Variants in CCDC88C observed in about 807,000 individuals in gnomAD.
CCDC88C encodes coiled-coil and HOOK domain protein 88C, also known as protein Daple.
A neutral mutation model predicts 198.8 loss-of-function variants in CCDC88C; 131 were observed. The observed-to-expected ratio is 0.66, with a 90% CI of 0.57 to 0.76. The LOEUF is 0.76. Among genes scored for constraint, CCDC88C ranks in the 30% least tolerant of loss-of-function variants. The pLI is 0.00. For missense variants in CCDC88C, 2,553 were observed against 2,631.6 expected, an observed-to-expected ratio of 0.97 and a Z score of 0.65; for synonymous variants, 1,166 against 1,114.7, an observed-to-expected ratio of 1.05 and a Z score of -0.92.
intron 1 of CCDC88C, 142 bp from the exon 2 acceptor site, chr14:91,416,980 C>T: frequency 1.5e-6 from 1 of 687,050 alleles, no homozygotes. Context: ...TCAGCAGGCA[C>T]CAAGCCCGGC....
intron 16 of CCDC88C, among the ~76,000 whole-genome samples, chr14:91,308,943 C>T (rs990373475): frequency 2.6e-5 from 4 of 152,176 alleles, no homozygotes; most frequent in Non-Finnish European, 4.4e-5. Context: ...AAAACAAGAT[C>T]AGGCCGAGCA....
At chr14:91,342,895 C>T (rs576736234) in intron 5 of CCDC88C, among the ~76,000 whole-genome samples, 7 of 152,350 alleles carry the variant, frequency 4.6e-5, no homozygotes, top group Non-Finnish European at 7.3e-5. Flanking sequence ...AACTACTCAG[C>T]TCTGTCGCTG....
chr14:91,313,884 G>T lies in CCDC88C; in HGVS notation c.1932C>A (p.Asn644Lys). The stretch of plus-strand genomic sequence containing the variant: ...AGGTCACCTTCCTGGCCAGCCTCCC[G>T]TTCTCCTCCTGGAGTCGCTGTAGCT... ...ERELQRLQEE[N>K]GRLARKVTSL... The change falls in exon 15 of 30, where the codon AAC becomes AAA. Residue 644 changes from asparagine to lysine, a missense_variant. This residue lies in a region of CCDC88C where 1,260 missense variants were observed against 1,412.0 expected (regional missense o/e 0.89). Transcript: ENST00000389857. This position sits in a 1 kb window ranked among gnomAD's most constrained non-coding sequence, Gnocchi z 5.2. 1 of 1,608,612 alleles carries T rather than the reference G, an allele frequency of 6.2e-7. No individual in the cohort carries two copies. Among genetic ancestry groups the T allele is most frequent in the African/African-American group, 1.3e-5 (1 of 74,804 alleles).
intron 26 of CCDC88C, 59 bp downstream of exon 26, chr14:91,283,270 G>C: frequency 1.3e-6 from 2 of 1,527,694 alleles, no homozygotes; most frequent in Non-Finnish European, 1.8e-6. Context: ...GAGAGCCTGG[G>C]GTCTTCAGGA....
rs145922900 is a variant in CCDC88C, at chr14:91,390,387, C to T, written c.270+18272G>A. On this transcript the variant is annotated intron_variant, in intron 3 of 29. Transcript: ENST00000389857. ...TATCAGACTGGAGAGGGTGGGGACT[C>T]TTCTCACTCAGTGCAACACCGAAAG... Among the ~76,000 whole-genome samples, 1,307 of 152,322 alleles carry T rather than the reference C, an allele frequency of 8.6e-3. 54 individuals carry two copies. Among genetic ancestry groups the T allele is most frequent in the Admixed American group, 0.078 (1,187 of 15,298 alleles).
rs143353999 is a variant in CCDC88C at position 91,348,587 on chromosome 14, T to A, written c.341-4930A>T. On this transcript the variant is annotated intron_variant, in intron 4 of 29. Coordinates refer to ENST00000389857, the MANE Select transcript of CCDC88C (RefSeq NM_001080414.4). ...CTCAGCACCCTGCAATCACACACAA[T>A]GACAACCCTGAGTTCATTCATTCCC... Among the ~76,000 whole-genome samples the A allele has an allele frequency of 4.9e-3, 745 of 152,186 alleles. 6 individuals are homozygous for A. Among genetic ancestry groups the A allele is most frequent in the African/African-American group, 0.017 (705 of 41,504 alleles).
rs1423942838 is a variant in CCDC88C, at chr14:91,290,028, T to C, written c.4203-685A>G. Among the ~76,000 whole-genome samples the C allele has an allele frequency of 2.0e-5, 3 of 152,082 alleles. No individual in the cohort carries two copies. In the East Asian group the frequency reaches 5.8e-4, roughly 29 times the overall value. On this transcript the variant is annotated intron_variant, in intron 24 of 29. Transcript: ENST00000389857. The stretch of plus-strand genomic sequence containing the variant: ...GCTCACGCCTGTAACCCCAGCACTT[T>C]GGGAGGCCGAGGTGGGTGGATCAAC...
At chr14:91,351,786 A>C (rs1302217755) in intron 4 of CCDC88C, among the ~76,000 whole-genome samples, 3 of 151,950 alleles carry the variant, frequency 2.0e-5, no homozygotes, top group African/African-American at 4.8e-5. Context: ...TGCCCATGTC[A>C]AGTCAGTCCC....
intron 4 of CCDC88C, among the ~76,000 whole-genome samples, chr14:91,358,487 G>A (rs776407918): frequency 1.3e-5 from 2 of 152,230 alleles, no homozygotes; most frequent in Non-Finnish European, 2.9e-5. Context: ...TAGCCAGCGA[G>A]TAACTCTGTC....
chr14:91,285,464 G>C (rs17802308), intron 25 of CCDC88C: 64,023 of 463,746 alleles, frequency 0.14, 5,361 homozygotes, highest in Non-Finnish European at 0.18. Flanking sequence ...ACTGTGTTGT[G>C]CTGAAGAAAT....
chr14:91,390,390 C>T (rs1377512993), intron 3 of CCDC88C, among the ~76,000 whole-genome samples: 1 of 152,226 alleles, frequency 6.6e-6, no homozygotes, highest in Non-Finnish European at 1.5e-5. Context: ...GGGGACTCTT[C>T]TCACTCAGTG....
Position 91,273,248 on chromosome 14 carries a change from T to C in CCDC88C, c.5464A>G (p.Lys1822Glu), listed in dbSNP as rs776131585. Reference sequence around the variant, plus strand: ...CCCAGCTTCTGAGGGGACTCCTGTTTGCAGGCCTCTGGCCCGCTGGCCCGG... The same window carrying C: ...CCCAGCTTCTGAGGGGACTCCTGTTCGCAGGCCTCTGGCCCGCTGGCCCGG... ...LLRASGPEAC[K>E]QESPQKLGAP... The change falls in exon 30 of 30, where the codon AAA becomes GAA. Residue 1822 changes from lysine to glutamate, a missense_variant. Lys to Glu is a moderately conservative substitution (Grantham distance 56). Around this residue, in one of 2 missense-constraint regions of CCDC88C, gnomAD observed 1,293 missense variants for 1,219.6 expected, o/e 1.06. Transcript: ENST00000389857. This position sits in a 1 kb window ranked among gnomAD's most constrained non-coding sequence, Gnocchi z 5.6. 2.6e-6 allele frequency: 4 copies of C among 1,559,248 alleles called. No individual in the cohort carries two copies. The highest frequency in any genetic ancestry group is 2.4e-5 in the South Asian group (2 of 84,894).
intron 26 of CCDC88C, among the ~76,000 whole-genome samples, 157 bp from the exon 27 acceptor site, chr14:91,281,682 C>T (rs1396898861): frequency 6.6e-6 from 1 of 152,130 alleles, no homozygotes; most frequent in Admixed American, 6.5e-5. Context: ...GCCTCTCCTA[C>T]CCCTCCACCG....
intron 13 of CCDC88C, among the ~76,000 whole-genome samples, chr14:91,316,243 C>T (rs115586344): frequency 0.021 from 3,164 of 152,290 alleles, 127 homozygotes; most frequent in African/African-American, 0.072. Context: ...CCATCTCCCT[C>T]ACAGGCCAGG....
chr14:91,362,108 C>T (rs1464757501), intron 3 of CCDC88C, among the ~76,000 whole-genome samples: 2 of 152,060 alleles, frequency 1.3e-5, no homozygotes, highest in African/African-American at 4.8e-5. Context: ...GTGACGCATG[C>T]CTGTAACGTC....
intron 21 of CCDC88C, 135 bp from the exon 22 acceptor site, chr14:91,297,626 G>A: frequency 1.2e-6 from 1 of 819,618 alleles, no homozygotes; most frequent in Non-Finnish European, 1.8e-6. Flanking sequence ...ACCTCTCTGG[G>A]CTTTTTTTTT....
rs2139889508 is a variant in CCDC88C at position 91,352,672 on chromosome 14, G to A, written c.340+6970C>T. Among the ~76,000 whole-genome samples the A allele has an allele frequency of 6.6e-6, 1 of 152,144 alleles. No homozygotes were observed. The highest frequency in any genetic ancestry group is 1.5e-5 in the Non-Finnish European group (1 of 68,000). On this transcript the variant is annotated intron_variant, in intron 4 of 29. Coordinates refer to ENST00000389857, the MANE Select transcript of CCDC88C (RefSeq NM_001080414.4). This position sits in a 1 kb window ranked among gnomAD's most constrained non-coding sequence, Gnocchi z 4.2. ...ACACACACATATACACTTATACACA[G>A]GATTAGAGAATTATGGCCAGGAGAA...
At chr14:91,345,917 T>A (rs905977250) in intron 4 of CCDC88C, among the ~76,000 whole-genome samples, 2 of 151,368 alleles carry the variant, frequency 1.3e-5, no homozygotes, top group African/African-American at 4.9e-5. Context: ...TGTGCAGGGT[T>A]CCCTTTCAGG....
rs565099711 is a variant in CCDC88C at position 91,352,335 on chromosome 14, G to A, written c.340+7307C>T. On this transcript the variant is annotated intron_variant, in intron 4 of 29. Transcript: ENST00000389857. The surrounding 1 kb of genome is among the most constrained non-coding windows in gnomAD (Gnocchi z 4.2). ...GGGCCGCACTGTGACGCTCGGCTGG[G>A]CTTGGTGTCAGCCAAACTCTGCACC... Among the ~76,000 whole-genome samples, 265 of 152,300 alleles carry A rather than the reference G, an allele frequency of 1.7e-3. No homozygotes were observed. The highest frequency in any genetic ancestry group is 5.8e-3 in the African/African-American group (240 of 41,560).
Sources: gnomAD v4.1 joint callset for allele counts (sites outside exome capture counted in the v4.1 genomes callset) on GRCh38, gnomAD v4.1.1 for gene constraint, gnomAD v4.1.1 regional missense constraint, Gnocchi (gnomAD v3.1) non-coding constraint, MANE v1.5 for transcripts, NCBI Gene and HGNC (gene_info 2026-07-23, HGNC 2026-07-21) for gene names.